The following GRID1 variants were observed in gnomAD, a reference collection of about 807,000 sequenced individuals.
GRID1 encodes glutamate ionotropic receptor delta type subunit 1.
GRID1 carries 28 observed loss-of-function variants against 98.0 expected under a neutral mutation model. That is an observed-to-expected ratio of 0.29 (90% CI 0.21 to 0.39). The LOEUF (loss-of-function observed/expected upper bound fraction) is 0.39. Among genes scored for constraint, GRID1 ranks in the 10% least tolerant of loss-of-function variants. The probability of loss-of-function intolerance (pLI) is 1.00; values close to 1 mark genes in which losing one functional copy is unlikely to be tolerated. For missense variants in GRID1, 1,111 were observed against 1,340.5 expected, an observed-to-expected ratio of 0.83 and a Z score of 2.67; for synonymous variants, 553 against 538.5, an observed-to-expected ratio of 1.03 and a Z score of -0.37.
chr10:86,142,248 A>ATGAC (rs1447858351), intron 3 of GRID1, among the ~76,000 whole-genome samples: 3 of 152,350 alleles, frequency 2.0e-5, no homozygotes, highest in Admixed American at 6.5e-5. Flanking sequence ...AAAATAATAA[A>ATGAC]TGACTGCTGT....
intron 4 of GRID1, among the ~76,000 whole-genome samples, chr10:85,938,160 A>T (rs1390838930): frequency 2.0e-5 from 3 of 152,136 alleles, no homozygotes; most frequent in Admixed American, 2.0e-4. Context: ...TGCCAGGGGG[A>T]ATCTGGATGG....
At chr10:85,785,168 G>A (rs944819190) in intron 8 of GRID1, among the ~76,000 whole-genome samples, 1 of 152,184 alleles carries the variant, frequency 6.6e-6, no homozygotes. Flanking sequence ...GATTTTACAC[G>A]AATGAGAAAT....
At chr10:85,628,740 C>T (rs1325480715) in intron 13 of GRID1, among the ~76,000 whole-genome samples, 1 of 152,120 alleles carries the variant, frequency 6.6e-6, no homozygotes, top group Non-Finnish European at 1.5e-5. Context: ...AGTCGGGGGA[C>T]AAGAGATTGC....
chr10:85,743,593 GA>G (rs1841970521), intron 8 of GRID1, among the ~76,000 whole-genome samples: 1 of 152,082 alleles, frequency 6.6e-6, no homozygotes, highest in African/African-American at 2.4e-5. Flanking sequence ...CAAAACTCAA[GA>G]AAACTACTGT....
chr10:86,097,231 G>T lies in GRID1; in HGVS notation c.726+41588C>A, dbSNP rs115344733. Among the ~76,000 whole-genome samples the T allele has an allele frequency of 4.2e-3, 646 of 152,336 alleles. 7 individuals are homozygous for T. The highest frequency in any genetic ancestry group is 0.015 in the African/African-American group (617 of 41,562). ...GGGACTTCTCAGCCTCCATAATCAT[G>T]TGAGCCAATCCCAGACGATAGATAT... On this transcript the variant is annotated intron_variant, in intron 4 of 15. Coordinates refer to ENST00000327946, the MANE Select transcript of GRID1 (RefSeq NM_017551.3).
At chr10:85,877,297 A>G (rs1289562677) in intron 5 of GRID1, among the ~76,000 whole-genome samples, 1 of 152,236 alleles carries the variant, frequency 6.6e-6, no homozygotes, top group Non-Finnish European at 1.5e-5. Flanking sequence ...GAACGGGCAG[A>G]CTGCCTCCTC....
chr10:86,066,200 C>T (rs1843717385), intron 4 of GRID1, among the ~76,000 whole-genome samples: 1 of 152,160 alleles, frequency 6.6e-6, no homozygotes, highest in South Asian at 2.1e-4. Context: ...TTTATCACAT[C>T]CCCCAGCCCG....
intron 12 of GRID1, among the ~76,000 whole-genome samples, chr10:85,711,637 A>T (rs1841582849): frequency 6.6e-6 from 1 of 151,896 alleles, no homozygotes; most frequent in Non-Finnish European, 1.5e-5. Context: ...TGTTATGTAT[A>T]TTTTACCAAT....
At chr10:86,021,000 G>A (rs986803461) in intron 4 of GRID1, among the ~76,000 whole-genome samples, 27 of 152,046 alleles carry the variant, frequency 1.8e-4, no homozygotes, top group Non-Finnish European at 3.1e-4. Context: ...CACTTTGCAA[G>A]GCGTTTTTGT....
intron 3 of GRID1, among the ~76,000 whole-genome samples, chr10:86,154,981 T>G (rs938545203): frequency 6.6e-6 from 1 of 152,208 alleles, no homozygotes; most frequent in African/African-American, 2.4e-5. Context: ...AATTGAGGCT[T>G]GGAGAGGTGA....
intron 4 of GRID1, among the ~76,000 whole-genome samples, chr10:86,086,195 C>A (rs1303716774): frequency 6.6e-6 from 1 of 152,158 alleles, no homozygotes; most frequent in Non-Finnish European, 1.5e-5. Context: ...CACCACCCTC[C>A]ACAATTGTCT....
At chr10:85,792,242 G>A (rs966109579) in intron 8 of GRID1, among the ~76,000 whole-genome samples, 8 of 152,090 alleles carry the variant, frequency 5.3e-5, no homozygotes, top group African/African-American at 7.2e-5. Flanking sequence ...AGCTCCTGAC[G>A]GTGGCAGCAG....
At chr10:85,992,947 C>T (rs1842699725) in intron 4 of GRID1, among the ~76,000 whole-genome samples, 1 of 152,082 alleles carries the variant, frequency 6.6e-6, no homozygotes, top group Admixed American at 6.5e-5. Flanking sequence ...AAGTGGGACC[C>T]TGTCTCTAAA....
intron 3 of GRID1, among the ~76,000 whole-genome samples, chr10:86,181,437 G>A (rs1397166782): frequency 6.6e-6 from 1 of 152,204 alleles, no homozygotes; most frequent in African/African-American, 2.4e-5. Flanking sequence ...AGAGAGGGAA[G>A]CAACAGCTCC....
intron 4 of GRID1, among the ~76,000 whole-genome samples, chr10:86,013,306 G>T (rs1039628282): frequency 1.3e-5 from 2 of 152,158 alleles, no homozygotes; most frequent in African/African-American, 2.4e-5. Context: ...CATCCCTAGA[G>T]AAATCAGATA....
At chr10:86,085,744 C>G (rs1303476861) in intron 4 of GRID1, among the ~76,000 whole-genome samples, 2 of 152,122 alleles carry the variant, frequency 1.3e-5, no homozygotes, top group East Asian at 3.9e-4. Flanking sequence ...GTCTTCAGGA[C>G]TTGCAGGCAG....
At chr10:86,351,348 C>T (rs927371891) in intron 2 of GRID1, among the ~76,000 whole-genome samples, 2 of 152,198 alleles carry the variant, frequency 1.3e-5, no homozygotes, top group Admixed American at 6.5e-5. Flanking sequence ...TTGCAGCACA[C>T]ATAGGAGCTG....
intron 4 of GRID1, among the ~76,000 whole-genome samples, chr10:85,945,141 A>G (rs1388719009): frequency 1.3e-5 from 2 of 152,164 alleles, no homozygotes; most frequent in Non-Finnish European, 2.9e-5. Context: ...TTATGTGTAT[A>G]CTTAGGTATT....
chr10:85,831,503 A>G (rs1298991503), intron 8 of GRID1, among the ~76,000 whole-genome samples: 1 of 152,150 alleles, frequency 6.6e-6, no homozygotes, highest in Non-Finnish European at 1.5e-5. Context: ...ATATGAAACA[A>G]TAAAATGAGA....
Sources: gnomAD v4.1 joint callset for allele counts (sites outside exome capture counted in the v4.1 genomes callset) on GRCh38, gnomAD v4.1.1 for gene constraint, MANE v1.5 for transcripts, NCBI Gene and HGNC (gene_info 2026-07-23, HGNC 2026-07-21) for gene names.